Variants in ZSCAN25 observed in about 807,000 individuals in gnomAD.
The protein encoded by ZSCAN25 is zinc finger and SCAN domain containing 25.
Under a neutral mutation model 38.7 loss-of-function variants are expected in ZSCAN25, and 27 were observed. The observed-to-expected ratio is 0.70, with a 90% CI of 0.51 to 0.96. The LOEUF is 0.96. ZSCAN25 is among the 40% of genes least tolerant of loss of function. The probability of loss-of-function intolerance (pLI) is 0.00; values close to 1 mark genes in which losing one functional copy is unlikely to be tolerated. For synonymous variants in ZSCAN25, 273 were observed against 277.7 expected (o/e 0.98, Z 0.17); for missense variants, 637 against 705.9 (o/e 0.90, Z 1.11).
the ZSCAN25 span, chr7:99,720,400 A>G: frequency 6.2e-7 from 1 of 1,613,640 alleles, no homozygotes; most frequent in South Asian, 1.1e-5. Flanking sequence ...TAGGCTGTTG[A>G]CAGTCATAAA....
chr7:99,689,515 G>T, the ZSCAN25 span, among the ~76,000 whole-genome samples: 2 of 152,172 alleles, frequency 1.3e-5, no homozygotes, highest in African/African-American at 4.8e-5. Context: ...TGAAATTGTG[G>T]CAATAATCAA....
At chr7:99,625,489 C>T (rs1807392083) in intron 7 of ZSCAN25, among the ~76,000 whole-genome samples, 1 of 152,180 alleles carries the variant, frequency 6.6e-6, no homozygotes, top group Non-Finnish European at 1.5e-5. Flanking sequence ...CACTGGTCTC[C>T]TGGGAGACCT....
At chr7:99,736,293 G>A in the ZSCAN25 span, among the ~76,000 whole-genome samples, 1 of 152,188 alleles carries the variant, frequency 6.6e-6, no homozygotes, top group African/African-American at 2.4e-5. Flanking sequence ...ATGGGGCAGT[G>A]GTCACTGCAG....
chr7:99,624,681 TCA>T (rs1361640476), intron 7 of ZSCAN25, among the ~76,000 whole-genome samples: 2 of 151,822 alleles, frequency 1.3e-5, no homozygotes, highest in African/African-American at 4.8e-5. Flanking sequence ...GTGGCCCGAG[TCA>T]CAGAGGAAGC....
the ZSCAN25 span, among the ~76,000 whole-genome samples, chr7:99,670,227 T>C: frequency 6.6e-6 from 1 of 152,198 alleles, no homozygotes. Flanking sequence ...CAATGAAAAC[T>C]GGCTTACAGA....
the ZSCAN25 span, among the ~76,000 whole-genome samples, chr7:99,688,906 C>T: frequency 6.6e-6 from 1 of 152,234 alleles, no homozygotes; most frequent in African/African-American, 2.4e-5. Flanking sequence ...ACAACCTGCT[C>T]TGGAATGACC....
At chr7:99,622,357 G>A in intron 5 of ZSCAN25, 192 bp from the exon 6 acceptor site, 1 of 629,164 alleles carries the variant, frequency 1.6e-6, no homozygotes, top group East Asian at 2.8e-5. Flanking sequence ...CCAGGCCCCA[G>A]CTGAGAATAG....
chr7:99,636,444 CA>C (rs1038707275), downstream of ZSCAN25, among the ~76,000 whole-genome samples: 2 of 152,164 alleles, frequency 1.3e-5, no homozygotes, highest in African/African-American at 4.8e-5. Context: ...TTAAATAGTT[CA>C]TTTTTTTTAT....
At chr7:99,667,774 AAGAG>A in the ZSCAN25 span, among the ~76,000 whole-genome samples, 1 of 152,324 alleles carries the variant, frequency 6.6e-6, no homozygotes, top group South Asian at 2.1e-4. Flanking sequence ...ATAAACTAGG[AAGAG>A]AGAGACAGTT....
At chr7:99,715,779 C>G in the ZSCAN25 span, 2 of 1,613,804 alleles carry the variant, frequency 1.2e-6, no homozygotes, top group South Asian at 2.2e-5. Flanking sequence ...ACGAATGGAT[C>G]TAATGGATTA....
the ZSCAN25 span, among the ~76,000 whole-genome samples, chr7:99,719,288 T>G: frequency 6.6e-6 from 1 of 152,182 alleles, no homozygotes; most frequent in African/African-American, 2.4e-5. Context: ...CAGTTTGTTG[T>G]TGATGGAGGA....
At chr7:99,726,128 G>A in the ZSCAN25 span, among the ~76,000 whole-genome samples, 29 of 151,992 alleles carry the variant, frequency 1.9e-4, no homozygotes, top group Non-Finnish European at 4.0e-4. Flanking sequence ...CCTCCTTCGT[G>A]TCTTCCTCTT....
At chr7:99,623,831 G>C (rs1462993907) in intron 6 of ZSCAN25, among the ~76,000 whole-genome samples, 1 of 152,212 alleles carries the variant, frequency 6.6e-6, no homozygotes, top group Admixed American at 6.5e-5. Context: ...CAAGCATGAG[G>C]TGTGAGTGGG....
At chr7:99,655,563 C>T in the ZSCAN25 span, among the ~76,000 whole-genome samples, 1 of 152,172 alleles carries the variant, frequency 6.6e-6, no homozygotes, top group Non-Finnish European at 1.5e-5. Context: ...GCAATGCGGG[C>T]TCTTTTTTGG....
At chr7:99,652,415 A>G in the ZSCAN25 span, 1 of 620,986 alleles carries the variant, frequency 1.6e-6, no homozygotes, top group Non-Finnish European at 2.7e-6. Flanking sequence ...AAGTTTGATA[A>G]TTATCACTTT....
chr7:99,717,439 C>G, the ZSCAN25 span: 15 of 1,589,112 alleles, frequency 9.4e-6, no homozygotes, highest in Non-Finnish European at 1.3e-5. Context: ...GACTACTCCT[C>G]GGAAAGGAAC....
At chr7:99,710,740 G>C in the ZSCAN25 span, 1 of 1,613,798 alleles carries the variant, frequency 6.2e-7, no homozygotes. Flanking sequence ...ACCTTATTGG[G>C]TAAAACTGTA....
chr7:99,642,557 T>A, the ZSCAN25 span, among the ~76,000 whole-genome samples: 1 of 152,140 alleles, frequency 6.6e-6, no homozygotes, highest in Non-Finnish European at 1.5e-5. Context: ...CCCAGAAATA[T>A]GAACGAAAAT....
At chr7:99,641,542 C>A in the ZSCAN25 span, among the ~76,000 whole-genome samples, 2 of 152,156 alleles carry the variant, frequency 1.3e-5, no homozygotes, top group African/African-American at 4.8e-5. Flanking sequence ...TAGATTTCTC[C>A]CTTGAGTTCT....
Sources: allele counts gnomAD v4.1 joint callset (sites outside exome capture counted in the v4.1 genomes callset), GRCh38; gene constraint gnomAD v4.1.1; transcripts MANE v1.5; gene names NCBI Gene and HGNC (gene_info 2026-07-23, HGNC 2026-07-21).